Variants in GALNT2 observed in about 807,000 individuals in gnomAD.
GALNT2 encodes polypeptide N-acetylgalactosaminyltransferase 2, also known as UDP-GalNAc:polypeptide N-acetylgalactosaminyltransferase 2.
A neutral mutation model predicts 81.4 loss-of-function variants in GALNT2; 31 were observed. The ratio of observed to expected loss-of-function variants is 0.38; its 90% CI spans 0.29 to 0.51. The LOEUF is 0.51. Among genes scored for constraint, GALNT2 ranks in the 20% least tolerant of loss-of-function variants. The pLI is 0.87. For missense variants in GALNT2, 629 were observed against 765.7 expected (o/e 0.82, Z 2.11); for synonymous variants, 303 against 287.4 (o/e 1.05, Z -0.55).
intron 1 of GALNT2, among the ~76,000 whole-genome samples, chr1:230,097,855 G>A (rs890598464): frequency 6.6e-6 from 1 of 152,138 alleles, no homozygotes; most frequent in Non-Finnish European, 1.5e-5. Context: ...TTGGCAATTT[G>A]GGACAACTTA....
chr1:230,105,349 G>T (rs1276865884), intron 1 of GALNT2, among the ~76,000 whole-genome samples: 1 of 152,182 alleles, frequency 6.6e-6, no homozygotes, highest in African/African-American at 2.4e-5. Flanking sequence ...CGAGCTCTGG[G>T]GCCCACTGGG....
At position 230,239,100 on chromosome 1, in the gene GALNT2, C is replaced by T. The variant is rs143122386; in HGVS notation, c.607+2375C>T. ...TTATCAACGTTTTTATATTTATTGGCTCAAAGTTGCTTATGATATTGTCTC... is the reference window on the plus strand; with the variant it reads ...TTATCAACGTTTTTATATTTATTGGTTCAAAGTTGCTTATGATATTGTCTC... On this transcript the variant is annotated intron_variant, in intron 6 of 15. Coordinates refer to ENST00000366672, the MANE Select transcript of GALNT2 (RefSeq NM_004481.5). Among the ~76,000 whole-genome samples, 688 of 152,160 alleles carry T rather than the reference C, an allele frequency of 4.5e-3. 11 individuals carry two copies. Among genetic ancestry groups the T allele is most frequent in the Admixed American group, 0.039 (597 of 15,284 alleles).
Position 230,243,404 on chromosome 1 carries a change from C to T in GALNT2, c.706C>T (p.Pro236Ser), listed in dbSNP as rs1205669956. 6.2e-7 allele frequency: 1 copy of T among 1,612,134 alleles called. No homozygotes were observed. The highest frequency in any genetic ancestry group is 1.1e-5 in the South Asian group (1 of 90,988). Residue 236 changes from proline to serine, a missense_variant, in exon 7 of 16, where the codon CCC (proline) becomes TCC (serine). Pro to Ser is a moderately conservative substitution (Grantham distance 74). Around this residue, in one of 3 missense-constraint regions of GALNT2, gnomAD observed 360 missense variants for 492.8 expected, o/e 0.73. Coordinates refer to ENST00000366672, the MANE Select transcript of GALNT2 (RefSeq NM_004481.5). This position sits in a 1 kb window ranked among gnomAD's most constrained non-coding sequence, Gnocchi z 4.2. ...CGAGTGTAATGAGCACTGGCTGGAG[C>T]CCCTCCTGGAAAGGGTGGCGGAGGT... ...HCECNEHWLE[P>S]LLERVAEDRT...
At chr1:230,088,346 T>A (rs1287972077) in intron 1 of GALNT2, among the ~76,000 whole-genome samples, 1 of 152,196 alleles carries the variant, frequency 6.6e-6, no homozygotes, top group Non-Finnish European at 1.5e-5. Flanking sequence ...TTGTAATATT[T>A]GTCCTTTTCT....
chr1:230,193,914 C>T lies in GALNT2; in HGVS notation c.221-9223C>T, dbSNP rs971022799. ...GCCCCGAGCAGCCTTCCCGGGGCCT[C>T]AGTGCCTATGCTCAGCCTCCACTCC... On this transcript the variant is annotated intron_variant, in intron 2 of 15. Transcript: ENST00000366672. The surrounding 1 kb of genome is among the most constrained non-coding windows in gnomAD (Gnocchi z 4.3). Among the ~76,000 whole-genome samples the T allele has an allele frequency of 1.3e-5, 2 of 152,136 alleles. No homozygotes were observed. The highest frequency in any genetic ancestry group is 4.8e-5 in the African/African-American group (2 of 41,432).
chr1:230,185,902 A>G (rs1314188378), intron 2 of GALNT2, among the ~76,000 whole-genome samples: 1 of 151,976 alleles, frequency 6.6e-6, no homozygotes, highest in South Asian at 2.1e-4. Context: ...AGGTTTTCCT[A>G]CCCCCGTAGT....
chr1:230,187,960 G>A (rs955448076), intron 2 of GALNT2, among the ~76,000 whole-genome samples: 7 of 151,580 alleles, frequency 4.6e-5, no homozygotes, highest in African/African-American at 7.3e-5. Context: ...GGGGCGGGCC[G>A]GGGTGGTTTT....
At position 230,168,635 on chromosome 1, in the gene GALNT2, TTG is replaced by T. The variant is rs1445347710; in HGVS notation, c.127-9582_127-9581del. Among the ~76,000 whole-genome samples the T allele has an allele frequency of 5.9e-5, 9 of 152,238 alleles. No individual in the cohort carries two copies. In the East Asian group the frequency reaches 1.7e-3, roughly 29 times the overall value. Reference sequence around the variant, plus strand: ...GTTGGCCCAGGAGTTTTCAGTGTAGTTGCTTTCCCTTTAGGTAAATAGGATTA... The same window carrying T: ...GTTGGCCCAGGAGTTTTCAGTGTAGTCTTTCCCTTTAGGTAAATAGGATTA... On this transcript the variant is annotated intron_variant, in intron 1 of 15. Transcript: ENST00000366672.
chr1:230,240,961 T>C (rs1409561239), intron 6 of GALNT2, among the ~76,000 whole-genome samples: 1 of 152,236 alleles, frequency 6.6e-6, no homozygotes, highest in Admixed American at 6.5e-5. Context: ...AGTTCACTAG[T>C]CATTCTGCCA....
chr1:230,255,231 C>T lies in GALNT2; in HGVS notation c.1023C>T (p.Arg341=), dbSNP rs1051968357. Residue 341 remains arginine (R), a synonymous_variant, in exon 11 of 16, where the codon CGC becomes CGT. Coordinates refer to ENST00000366672, the MANE Select transcript of GALNT2 (RefSeq NM_004481.5). ...WGGENLEISF[R]VWQCGGSLEI... is the part of the protein sequence containing the mutation. ...TCATCGTCTCAGAGATCTCGTTCCGCGTGTGGCAGTGTGGTGGCAGCCTGG... is the reference window on the plus strand; with the variant it reads ...TCATCGTCTCAGAGATCTCGTTCCGTGTGTGGCAGTGTGGTGGCAGCCTGG... 3.1e-6 allele frequency: 5 copies of T among 1,614,078 alleles called. No individual in the cohort carries two copies. The highest frequency in any genetic ancestry group is 1.3e-5 in the African/African-American group (1 of 74,922).
intron 1 of GALNT2, among the ~76,000 whole-genome samples, chr1:230,134,286 T>C (rs2102816519): frequency 6.6e-6 from 1 of 152,218 alleles, no homozygotes; most frequent in South Asian, 2.1e-4. Flanking sequence ...TTTTTGTATT[T>C]TTAGTAGAGA....
Position 230,067,303 on chromosome 1 carries a change from T to C in GALNT2, c.23T>C (p.Leu8Pro). 2 of 1,372,488 alleles carry C rather than the reference T, an allele frequency of 1.5e-6. No homozygotes were observed. Among genetic ancestry groups the C allele is most frequent in the Non-Finnish European group, 1.9e-6 (2 of 1,049,366 alleles). The allele number at this position is 1,372,488 out of a possible 1,614,324, so 85.0% of individuals were successfully genotyped here. MRRRSRMLLCFAFLWVLG... is the reference protein window; with the variant it reads MRRRSRMPLCFAFLWVLG... ...AGAATGCGGCGGCGCTCGCGGATGCTGCTCTGCTTCGCCTTCCTGTGGGTG... is the reference window on the plus strand; with the variant it reads ...AGAATGCGGCGGCGCTCGCGGATGCCGCTCTGCTTCGCCTTCCTGTGGGTG... The change falls in exon 1 of 16, where the codon CTG becomes CCG. Residue 8 changes from leucine (L) to proline (P), a missense_variant. By Grantham distance (98) the Leu-to-Pro change is moderately conservative. Coordinates refer to ENST00000366672, the MANE Select transcript of GALNT2 (RefSeq NM_004481.5).
intron 1 of GALNT2, among the ~76,000 whole-genome samples, chr1:230,061,792 G>A (rs1235944224): frequency 2.6e-5 from 4 of 152,114 alleles, no homozygotes; most frequent in Non-Finnish European, 5.9e-5. Flanking sequence ...GTGTATGTGT[G>A]TTTTGCCAAA....
chr1:230,240,538 G>A (rs901037507), intron 6 of GALNT2, among the ~76,000 whole-genome samples: 1 of 152,224 alleles, frequency 6.6e-6, no homozygotes, highest in East Asian at 1.9e-4. Context: ...GTTGCAGTGA[G>A]CCAATATTGT....
intron 14 of GALNT2, among the ~76,000 whole-genome samples, chr1:230,268,148 G>A (rs1211998943): frequency 6.6e-6 from 1 of 152,212 alleles, no homozygotes; most frequent in East Asian, 1.9e-4. Flanking sequence ...AGCTCTGTGA[G>A]GGAGGGGGAA....
intron 1 of GALNT2, among the ~76,000 whole-genome samples, chr1:230,156,756 A>G (rs1033801862): frequency 6.6e-6 from 1 of 152,128 alleles, no homozygotes; most frequent in African/African-American, 2.4e-5. Context: ...AGCACATCTC[A>G]TCCTTTGATG....
In GALNT2 at chr1:230,182,005, C is replaced by T. The variant is rs775393793; in HGVS notation, c.220+3694C>T. On this transcript the variant is annotated intron_variant, in intron 2 of 15. Coordinates refer to ENST00000366672, the MANE Select transcript of GALNT2 (RefSeq NM_004481.5). ...GGAGGAATTGGTCCATTTAATCCAG[C>T]TTATTGAATTTATGGGAATAGAGTT... Among the ~76,000 whole-genome samples the T allele has an allele frequency of 2.6e-5, 4 of 152,162 alleles. No individual in the cohort carries two copies. The South Asian group carries it at 6.2e-4, about 24-fold the overall frequency.
chr1:230,085,926 A>G (rs935828084), intron 1 of GALNT2, among the ~76,000 whole-genome samples: 2 of 152,064 alleles, frequency 1.3e-5, no homozygotes, highest in Non-Finnish European at 2.9e-5. Flanking sequence ...TGTTGGGGAA[A>G]CCCGAGGCAA....
chr1:230,252,639 T>C (rs768107618), intron 10 of GALNT2, among the ~76,000 whole-genome samples: 7 of 152,124 alleles, frequency 4.6e-5, no homozygotes, highest in Admixed American at 1.3e-4. Context: ...TCCTCAAAGT[T>C]ATAGGGTTCA....
Sources: allele counts gnomAD v4.1 joint callset (sites outside exome capture counted in the v4.1 genomes callset), GRCh38; gene constraint gnomAD v4.1.1; regional missense constraint gnomAD v4.1.1; non-coding constraint Gnocchi (gnomAD v3.1); transcripts MANE v1.5; gene names NCBI Gene and HGNC (gene_info 2026-07-23, HGNC 2026-07-21).